The following RASSF8 variants were observed in gnomAD, a reference collection of about 807,000 sequenced individuals.
The protein encoded by RASSF8 is Ras association domain family member 8.
In RASSF8, 22 loss-of-function variants were observed where a neutral mutation model predicts 48.5. That is an observed-to-expected ratio of 0.45 (90% CI 0.32 to 0.65). RASSF8 has a LOEUF of 0.65. Ranked by LOEUF, RASSF8 falls within the 30% of genes least tolerant of loss-of-function variation. The pLI is 0.03. For synonymous variants in RASSF8, 127 were observed against 171.5 expected, an observed-to-expected ratio of 0.74 and a Z score of 2.03; for missense variants, 418 against 489.2, an observed-to-expected ratio of 0.85 and a Z score of 1.37.
chr12:26,079,616 C>T (rs866951076), exon 6 of RASSF8: 1 of 151,542 alleles, frequency 6.6e-6, no homozygotes, highest in Non-Finnish European at 1.5e-5. Context: ...AGATATTTTT[C>T]CAAAGAAGAC....
intron 2 of RASSF8, among the ~76,000 whole-genome samples, chr12:26,022,407 T>C (rs1343467566): frequency 6.6e-6 from 1 of 152,132 alleles, no homozygotes; most frequent in Non-Finnish European, 1.5e-5. Context: ...GTAAATTCAG[T>C]TGATTAAATA....
At chr12:26,011,339 C>G (rs903873569) in intron 2 of RASSF8, among the ~76,000 whole-genome samples, 1 of 152,084 alleles carries the variant, frequency 6.6e-6, no homozygotes, top group Non-Finnish European at 1.5e-5. Flanking sequence ...TAAGAATTTC[C>G]TCAGAACCTT....
chr12:25,978,235 C>T (rs1418066720), intron 1 of RASSF8, among the ~76,000 whole-genome samples: 2 of 152,154 alleles, frequency 1.3e-5, no homozygotes, highest in Non-Finnish European at 2.9e-5. Flanking sequence ...ATCTGGAACA[C>T]TGTTTAATTC....
At chr12:26,011,273 C>T (rs992308483) in intron 2 of RASSF8, among the ~76,000 whole-genome samples, 1 of 133,306 alleles carries the variant, frequency 7.5e-6, no homozygotes, top group Non-Finnish European at 1.8e-5. Context: ...GGAAAGAAAT[C>T]CCCATTGAAA....
chr12:26,056,929 C>CT (rs1430374133), intron 3 of RASSF8, among the ~76,000 whole-genome samples: 8 of 150,786 alleles, frequency 5.3e-5, no homozygotes, highest in African/African-American at 1.2e-4. Context: ...AAATATACAG[C>CT]TTTTTTTTTC....
rs1387435877 is a variant in RASSF8 at position 25,988,886 on chromosome 12, T to G, written c.-202-6151T>G. 2.0e-5 allele frequency among the ~76,000 whole-genome samples: 3 copies of G among 152,334 alleles called. No individual in the cohort carries two copies. In the East Asian group the frequency reaches 5.8e-4, roughly 29 times the overall value. ...CTATAGTATGTTTAGAGAAACTGTC[T>G]CCTGGAGGATGGTTCACAACATCTG... is the stretch of plus-strand genomic sequence containing the variant. On this transcript the variant is annotated intron_variant, in intron 1 of 5. Transcript: ENST00000689635.
chr12:26,058,257 G>C (rs1036759972), intron 3 of RASSF8, among the ~76,000 whole-genome samples: 1 of 152,178 alleles, frequency 6.6e-6, no homozygotes, highest in African/African-American at 2.4e-5. Flanking sequence ...GAATTCATCT[G>C]GAGATGACTC....
chr12:26,052,821 C>T (rs545856945), intron 2 of RASSF8: 8 of 152,106 alleles, frequency 5.3e-5, no homozygotes, highest in Non-Finnish European at 1.0e-4. Context: ...GCCTGATTGC[C>T]CTGGCCTGAA....
Position 26,067,657 on chromosome 12 carries a change from C to G in RASSF8, c.1082C>G (p.Thr361Ser). ...QFIQQTGTKV[T>S]VLPAEPIEIE... ...ATCCAGCAGACAGGGACAAAAGTTA[C>G]CGTTTTGCCAGCGGAGCCCATTGAA... is the stretch of plus-strand genomic sequence containing the variant. Residue 361 changes from threonine to serine, a missense_variant, in exon 5 of 6, where the codon ACC (threonine) becomes AGC (serine). Thr to Ser is a moderately conservative substitution (Grantham distance 58). Coordinates refer to ENST00000689635, the MANE Select transcript of RASSF8 (RefSeq NM_001394098.1). 1 of 1,614,196 alleles carries G rather than the reference C, an allele frequency of 6.2e-7. No homozygotes were observed. The highest frequency in any genetic ancestry group is 8.5e-7 in the Non-Finnish European group (1 of 1,180,010).
At chr12:26,020,961 C>T (rs1942774241) in intron 2 of RASSF8, among the ~76,000 whole-genome samples, 1 of 152,166 alleles carries the variant, frequency 6.6e-6, no homozygotes, top group Non-Finnish European at 1.5e-5. Flanking sequence ...AGGGCAATGT[C>T]TAGCACTTTG....
chr12:26,068,066 C>T (rs976773739), intron 5 of RASSF8, among the ~76,000 whole-genome samples: 38 of 152,186 alleles, frequency 2.5e-4, no homozygotes, highest in African/African-American at 9.2e-4. Flanking sequence ...CCAGCATGCC[C>T]GACCATCTGC....
At chr12:26,024,827 G>A (rs1357907905) in intron 2 of RASSF8, among the ~76,000 whole-genome samples, 1 of 151,466 alleles carries the variant, frequency 6.6e-6, no homozygotes, top group East Asian at 2.0e-4. Context: ...CGTGGTGGCG[G>A]GCGCCTGTAG....
chr12:26,016,396 A>T (rs908682360), intron 2 of RASSF8, among the ~76,000 whole-genome samples: 6 of 152,044 alleles, frequency 3.9e-5, no homozygotes, highest in Non-Finnish European at 7.4e-5. Flanking sequence ...TCTTCCCAAT[A>T]ATCTTTAACT....
intron 2 of RASSF8, among the ~76,000 whole-genome samples, chr12:26,005,756 C>T (rs1391849928): frequency 6.6e-6 from 1 of 152,122 alleles, no homozygotes; most frequent in Non-Finnish European, 1.5e-5. Context: ...CATATTATAT[C>T]AGCTAATGCC....
chr12:25,999,582 A>G (rs1307202384), intron 2 of RASSF8, among the ~76,000 whole-genome samples: 1 of 152,156 alleles, frequency 6.6e-6, no homozygotes, highest in Admixed American at 6.6e-5. Flanking sequence ...TTTAAAAATC[A>G]GCTGGGCACA....
chr12:26,018,590 A>G (rs1447517914), intron 2 of RASSF8, among the ~76,000 whole-genome samples: 1 of 152,200 alleles, frequency 6.6e-6, no homozygotes, highest in Non-Finnish European at 1.5e-5. Flanking sequence ...GGAATCACTG[A>G]CCAGCAATTA....
intron 2 of RASSF8, among the ~76,000 whole-genome samples, chr12:26,003,166 G>T (rs1942302334): frequency 6.6e-6 from 1 of 152,104 alleles, no homozygotes; most frequent in Admixed American, 6.5e-5. Flanking sequence ...ATCATGAAGG[G>T]ATGTTGAATT....
At chr12:25,983,242 C>CA (rs61155012) in intron 1 of RASSF8, among the ~76,000 whole-genome samples, 131,424 of 151,338 alleles carry the variant, frequency 0.87, 57,042 homozygotes, top group East Asian at 0.99. Context: ...ATAAAAATGA[C>CA]AAAAAAAATC....
chr12:26,016,841 A>C lies in RASSF8; in HGVS notation c.-109+21711A>C, dbSNP rs1592270637. ...TCTACTCACATTAACAAAACAGGAT[A>C]GATAATGAAAATATCATCTGAAGTT... On this transcript the variant is annotated intron_variant, in intron 2 of 5. Coordinates refer to ENST00000689635, the MANE Select transcript of RASSF8 (RefSeq NM_001394098.1). Among the ~76,000 whole-genome samples, 3 of 152,220 alleles carry C rather than the reference A, an allele frequency of 2.0e-5. No individual in the cohort carries two copies. The East Asian group carries it at 5.8e-4, about 29-fold the overall frequency.
Sources: gnomAD v4.1 joint callset for allele counts (sites outside exome capture counted in the v4.1 genomes callset) on GRCh38, gnomAD v4.1.1 for gene constraint, MANE v1.5 for transcripts, NCBI Gene and HGNC (gene_info 2026-07-23, HGNC 2026-07-21) for gene names.